Variants in CSMD1 observed in about 807,000 individuals in gnomAD.
CSMD1 encodes CUB and sushi domain-containing protein 1.
CSMD1 carries 213 observed loss-of-function variants against 417.5 expected under a neutral mutation model. The observed-to-expected ratio is 0.51, with a 90% CI of 0.46 to 0.57. The LOEUF (loss-of-function observed/expected upper bound fraction) is 0.57, where lower values mean the gene tolerates loss of function less well. CSMD1 is among the 20% of genes least tolerant of loss of function. The pLI is 0.00. For synonymous variants in CSMD1, 2,862 were observed against 1,736.8 expected, an observed-to-expected ratio of 1.65 and a Z score of -16.11; for missense variants, 6,923 against 4,529.7, an observed-to-expected ratio of 1.53 and a Z score of -15.17.
intron 1 of CSMD1, among the ~76,000 whole-genome samples, chr8:4,711,584 ATTGG>A (rs1808301652): frequency 6.6e-6 from 1 of 152,150 alleles, no homozygotes. Flanking sequence ...AAAAAAATAT[ATTGG>A]TACTAAATTA....
At chr8:4,889,164 T>C (rs917156538) in intron 1 of CSMD1, among the ~76,000 whole-genome samples, 11 of 152,080 alleles carry the variant, frequency 7.2e-5, no homozygotes, top group Non-Finnish European at 1.3e-4. Flanking sequence ...AACAAGTTAC[T>C]TTAAGGTGGA....
rs140496516 is a variant in CSMD1, at chr8:3,757,657, G to C, written c.819-3615C>G. Among the ~76,000 whole-genome samples the C allele has an allele frequency of 7.9e-5, 12 of 152,174 alleles. No homozygotes were observed. The East Asian group carries it at 2.0e-3, about 25-fold the overall frequency. On this transcript the variant is annotated intron_variant, in intron 5 of 69. Coordinates refer to ENST00000635120, the MANE Select transcript of CSMD1 (RefSeq NM_033225.6). ...GTGGGTGGATCACCTGAGGTCAAGA[G>C]TTCAAGACAAGCATGGCCAACATGG...
intron 20 of CSMD1, among the ~76,000 whole-genome samples, chr8:3,363,113 T>G (rs12675247): frequency 0.25 from 38,575 of 151,868 alleles, 4,953 homozygotes; most frequent in East Asian, 0.33. Context: ...AAACTTGGTG[T>G]CTTGGTCCTC....
chr8:4,925,620 C>G (rs551125637), intron 1 of CSMD1, among the ~76,000 whole-genome samples: 1 of 151,314 alleles, frequency 6.6e-6, no homozygotes, highest in East Asian at 2.0e-4. Context: ...AGTCTCGGCT[C>G]ACTGCAAGCT....
Position 3,707,939 on chromosome 8 carries a change from G to A in CSMD1, c.1009+475C>T, listed in dbSNP as rs193282238. Among the ~76,000 whole-genome samples, 700 of 152,276 alleles carry A rather than the reference G, an allele frequency of 4.6e-3. 4 individuals are homozygous for A. The highest frequency in any genetic ancestry group is 0.016 in the African/African-American group (667 of 41,546). On this transcript the variant is annotated intron_variant, in intron 7 of 69. Transcript: ENST00000635120. ...CGTGCAAAAGTCATCAGCCAGACAT[G>A]TCTGCAGATCTTGTTTTCTCTTTGG...
At chr8:3,656,296 C>T (rs934316690) in intron 7 of CSMD1, among the ~76,000 whole-genome samples, 2 of 152,188 alleles carry the variant, frequency 1.3e-5, no homozygotes, top group Admixed American at 6.5e-5. Flanking sequence ...CAGAAATACT[C>T]TCTCAGAAGC....
chr8:3,479,235 T>C lies in CSMD1; in HGVS notation c.1449-10411A>G, dbSNP rs538479809. 1.2e-4 allele frequency among the ~76,000 whole-genome samples: 19 copies of C among 152,262 alleles called. 1 individual carries two copies. In the South Asian group the frequency reaches 3.7e-3, roughly 30 times the overall value. On this transcript the variant is annotated intron_variant, in intron 11 of 69. Transcript: ENST00000635120. ...TAAACAAGGTACTTGCTTGCTAAAA[T>C]ATTAGGTGGGTACAAAAGCAATTGC...
intron 3 of CSMD1, among the ~76,000 whole-genome samples, chr8:4,179,181 TA>T (rs1798219056): frequency 6.6e-6 from 1 of 151,622 alleles, no homozygotes; most frequent in Admixed American, 6.6e-5. Context: ...CAAACTATAC[TA>T]CAAGGCTACA....
At chr8:3,482,928 G>A (rs1817827803) in intron 11 of CSMD1, among the ~76,000 whole-genome samples, 1 of 152,042 alleles carries the variant, frequency 6.6e-6, no homozygotes, top group African/African-American at 2.4e-5. Flanking sequence ...TACATAGAAT[G>A]AAGTTAAAAT....
chr8:3,495,269 C>A (rs1272021306), intron 10 of CSMD1, among the ~76,000 whole-genome samples: 1 of 152,132 alleles, frequency 6.6e-6, no homozygotes, highest in African/African-American at 2.4e-5. Context: ...AATTTTAAAA[C>A]TGAAAGAATC....
intron 8 of CSMD1, among the ~76,000 whole-genome samples, chr8:3,607,722 C>G (rs954436374): frequency 2.0e-5 from 3 of 152,198 alleles, no homozygotes; most frequent in African/African-American, 4.8e-5. Context: ...GAGAACTATT[C>G]CATATCAGTC....
At chr8:3,369,417 G>C (rs1217018584) in intron 18 of CSMD1, 47 bp from the exon 19 acceptor site, 1 of 900,910 alleles carries the variant, frequency 1.1e-6, no homozygotes, top group Admixed American at 2.1e-5. Flanking sequence ...GTTTCACAAT[G>C]ATTGCCAGAA....
rs1563234578 is a variant in CSMD1 at position 4,498,940 on chromosome 8, C to A, written c.303-78875G>T. The stretch of plus-strand genomic sequence containing the variant: ...GGGCTCAACATTACATACACATGGC[C>A]AGTGGTTCTATACAAACTGTAAAGC... On this transcript the variant is annotated intron_variant, in intron 2 of 69. Transcript: ENST00000635120. 2.0e-5 allele frequency among the ~76,000 whole-genome samples: 3 copies of A among 152,100 alleles called. No individual in the cohort carries two copies. In the East Asian group the frequency reaches 5.8e-4, roughly 29 times the overall value.
chr8:3,344,734 C>T (rs1807877814), intron 22 of CSMD1, among the ~76,000 whole-genome samples: 2 of 152,108 alleles, frequency 1.3e-5, no homozygotes, highest in African/African-American at 2.4e-5. Flanking sequence ...ATTTTTCTTT[C>T]ATTGTCTTTC....
At chr8:3,523,970 T>C (rs1028622104) in intron 10 of CSMD1, among the ~76,000 whole-genome samples, 1 of 127,500 alleles carries the variant, frequency 7.8e-6, no homozygotes, top group African/African-American at 3.1e-5. Flanking sequence ...CACTTACACA[T>C]GCACACACAC....
At chr8:4,405,732 G>A (rs912334812) in intron 3 of CSMD1, among the ~76,000 whole-genome samples, 1 of 152,178 alleles carries the variant, frequency 6.6e-6, no homozygotes, top group Non-Finnish European at 1.5e-5. Context: ...CATCTTTGAA[G>A]TTAGTGCACC....
At chr8:2,965,747 G>A (rs1412024297) in intron 59 of CSMD1, 28 bp downstream of exon 59, 2 of 1,572,570 alleles carry the variant, frequency 1.3e-6, no homozygotes, top group African/African-American at 1.3e-5. Flanking sequence ...ATACACATCT[G>A]TAAAATCCAA....
At chr8:4,228,008 G>C (rs1213339949) in intron 3 of CSMD1, among the ~76,000 whole-genome samples, 1 of 151,012 alleles carries the variant, frequency 6.6e-6, no homozygotes, top group Non-Finnish European at 1.5e-5. Context: ...CCCACACCTG[G>C]AGACATACCC....
chr8:4,698,160 A>G (rs1297966936), intron 1 of CSMD1, among the ~76,000 whole-genome samples: 1 of 149,476 alleles, frequency 6.7e-6, no homozygotes, highest in Non-Finnish European at 1.5e-5. Flanking sequence ...TTGGAATTGA[A>G]CATAATATTA....
Sources: gnomAD v4.1 joint callset for allele counts (sites outside exome capture counted in the v4.1 genomes callset) on GRCh38, gnomAD v4.1.1 for gene constraint, MANE v1.5 for transcripts, NCBI Gene and HGNC (gene_info 2026-07-23, HGNC 2026-07-21) for gene names.